The following ATG2B variants were observed in gnomAD, a reference collection of about 807,000 sequenced individuals.
ATG2B encodes autophagy-related protein 2 homolog B.
Under a neutral mutation model 241.3 loss-of-function variants are expected in ATG2B, and 121 were observed. The ratio of observed to expected loss-of-function variants is 0.50; its 90% CI spans 0.43 to 0.58. The LOEUF is 0.58. Ranked by LOEUF, ATG2B falls within the 20% of genes least tolerant of loss-of-function variation. The probability of loss-of-function intolerance (pLI) is 0.00; values close to 1 mark genes in which losing one functional copy is unlikely to be tolerated. For missense variants in ATG2B, 2,306 were observed against 2,491.6 expected (o/e 0.93, Z 1.59); for synonymous variants, 858 against 876.6 (o/e 0.98, Z 0.37).
intron 1 of ATG2B, among the ~76,000 whole-genome samples, chr14:96,350,978 T>C (rs1395742832): frequency 6.6e-6 from 1 of 152,216 alleles, no homozygotes; most frequent in East Asian, 1.9e-4. Flanking sequence ...TCAGAAATTC[T>C]CCCTTATGTA....
chr14:96,306,687 G>C (rs1886958418), intron 30 of ATG2B, 27 bp downstream of exon 30: 2 of 1,584,218 alleles, frequency 1.3e-6, no homozygotes, highest in South Asian at 1.1e-5. Flanking sequence ...ACCATTCAAG[G>C]CTTCAATAAT....
Position 96,302,579 on chromosome 14 carries a change from G to A in ATG2B, c.5038-471C>T, listed in dbSNP as rs555211779. Among the ~76,000 whole-genome samples, 593 of 149,586 alleles carry A rather than the reference G, an allele frequency of 4.0e-3. 20 individuals carry two copies. The South Asian group carries it at 0.059, about 15-fold the overall frequency. Reference sequence around the variant, plus strand: ...TCACAGAGTGAGACACTGTTGGGGGGAAAAAAAAAACTGCTTAAAGATGTA... The same window carrying A: ...TCACAGAGTGAGACACTGTTGGGGGAAAAAAAAAAACTGCTTAAAGATGTA... On this transcript the variant is annotated intron_variant, in intron 33 of 41. Transcript: ENST00000359933.
rs749097604 is a variant in ATG2B, at chr14:96,329,525, A to C, written c.1840T>G (p.Phe614Val). The C allele has an allele frequency of 1.2e-6, 2 of 1,612,874 alleles. No individual in the cohort carries two copies. The highest frequency in any genetic ancestry group is 2.2e-5 in the South Asian group (2 of 90,986). The change falls in exon 12 of 42, where the codon TTT (phenylalanine) becomes GTT (valine). Residue 614 changes from phenylalanine to valine, a missense_variant. This residue lies in a region of ATG2B where 1,927 missense variants were observed against 2,011.2 expected (regional missense o/e 0.96). Transcript: ENST00000359933. ...IGQMEFLECLFPTDFHSVPPH... is the reference protein window; with the variant it reads ...IGQMEFLECLVPTDFHSVPPH... ...GGAACAGAATGAAAATCAGTTGGAAATAGGCACTCCAAAAATTCCATTTGC... is the reference window on the plus strand; with the variant it reads ...GGAACAGAATGAAAATCAGTTGGAACTAGGCACTCCAAAAATTCCATTTGC...
Position 96,279,860 on chromosome 14 carries a change from G to A in ATG2B, c.*5895C>T, listed in dbSNP as rs947477026. ...AACTGGGGGAGGGGAGTTTGTTACT[G>A]GCATCCAGTGGCCAGAGGCCAGCGG... is the stretch of plus-strand genomic sequence containing the variant. On this transcript the variant is annotated 3_prime_UTR_variant, in exon 42 of 42. Coordinates refer to ENST00000359933, the MANE Select transcript of ATG2B (RefSeq NM_018036.7). 3 of 151,574 alleles carry A rather than the reference G, an allele frequency of 2.0e-5. No individual in the cohort carries two copies. Among genetic ancestry groups the A allele is most frequent in the African/African-American group, 7.3e-5 (3 of 41,120 alleles). The allele number at this position is 151,574 out of a possible 1,614,324, so 9.4% of individuals were successfully genotyped here. A position where few individuals can be genotyped will look rare whatever the true frequency, so the allele number is the denominator to read the frequency against.
intron 33 of ATG2B, among the ~76,000 whole-genome samples, chr14:96,302,581 A>C (rs974299393): frequency 1.4e-5 from 1 of 70,846 alleles, no homozygotes; most frequent in Non-Finnish European, 4.4e-5. Flanking sequence ...GTTGGGGGGA[A>C]AAAAAAAACT....
rs1465898804 is a variant in ATG2B at position 96,325,978 on chromosome 14, T to A, written c.2164-56A>T. 2.6e-6 allele frequency: 4 copies of A among 1,529,878 alleles called. No individual in the cohort carries two copies. In the African/African-American group the frequency reaches 5.5e-5, roughly 21 times the overall value. The allele number at this position is 1,529,878 out of a possible 1,614,324, so 94.8% of individuals were successfully genotyped here. A position where few individuals can be genotyped will look rare whatever the true frequency, so the allele number is the denominator to read the frequency against. On this transcript the variant is annotated intron_variant, in intron 14 of 41. Coordinates refer to ENST00000359933, the MANE Select transcript of ATG2B (RefSeq NM_018036.7). ...AATATTAAAGTAAATGAACATAAATTACACAGTATTCAACATTACAATATG... is the reference window on the plus strand; with the variant it reads ...AATATTAAAGTAAATGAACATAAATAACACAGTATTCAACATTACAATATG...
chr14:96,289,935 C>A lies in ATG2B; in HGVS notation c.5857-130G>T. 1 of 935,108 alleles carries A rather than the reference C, an allele frequency of 1.1e-6. No individual in the cohort carries two copies. Among genetic ancestry groups the A allele is most frequent in the South Asian group, 1.8e-5 (1 of 55,664 alleles). 57.9% of individuals were successfully genotyped at this position (935,108 alleles called of 1,614,324 possible). On this transcript the variant is annotated intron_variant, in intron 40 of 41. Transcript: ENST00000359933. The surrounding 1 kb of genome is among the most constrained non-coding windows in gnomAD (Gnocchi z 4.3). Reference sequence around the variant, plus strand: ...ACAAACCCTAATGAAGACACTTCTGCGTATCTGAATTCTTTACCACAAGAA... The same window carrying A: ...ACAAACCCTAATGAAGACACTTCTGAGTATCTGAATTCTTTACCACAAGAA...
intron 14 of ATG2B, among the ~76,000 whole-genome samples, chr14:96,327,088 T>G (rs1221513461): frequency 6.6e-6 from 1 of 151,994 alleles, no homozygotes; most frequent in Non-Finnish European, 1.5e-5. Context: ...TATAAAAACT[T>G]AACCGGGTGT....
intron 41 of ATG2B, among the ~76,000 whole-genome samples, chr14:96,286,230 A>G (rs1185652259): frequency 6.6e-6 from 1 of 152,212 alleles, no homozygotes; most frequent in Non-Finnish European, 1.5e-5. Context: ...TGGAAAATGT[A>G]GGTAAACTAA....
intron 18 of ATG2B, among the ~76,000 whole-genome samples, chr14:96,318,591 G>A (rs1010172786): frequency 1.3e-5 from 2 of 152,142 alleles, no homozygotes; most frequent in Non-Finnish European, 2.9e-5. Context: ...TGCATATGGA[G>A]CAAAAAATAA....
At chr14:96,337,659 C>T (rs1422832591) in intron 6 of ATG2B, among the ~76,000 whole-genome samples, 2 of 152,136 alleles carry the variant, frequency 1.3e-5, no homozygotes. Context: ...ATACCAGTAC[C>T]ATACTGTTTT....
At chr14:96,331,942 C>T (rs1887748378) in intron 10 of ATG2B, among the ~76,000 whole-genome samples, 1 of 151,934 alleles carries the variant, frequency 6.6e-6, no homozygotes, top group Admixed American at 6.6e-5. Flanking sequence ...TCCTTTAAGC[C>T]TTGGGTCTAT....
rs770806113 is a variant in ATG2B at position 96,328,504 on chromosome 14, T to C, written c.2006A>G (p.His669Arg). The C allele has an allele frequency of 6.2e-7, 1 of 1,612,124 alleles. No individual in the cohort carries two copies. The highest frequency in any genetic ancestry group is 2.2e-5 in the East Asian group (1 of 44,804). ...TAATTTAATTTGCAATTCTGCCTTG[T>C]GAGGAACTGAACTAAGTCTTGCTTG... ...GNQARLSSVP[H>R]KAELQIKLNP... The change falls in exon 14 of 42, where the codon CAC (histidine) becomes CGC (arginine). Residue 669 changes from histidine to arginine, a missense_variant. By Grantham distance (29) the His-to-Arg change is conservative (BLOSUM62 0). Transcript: ENST00000359933.
chr14:96,351,678 G>A (rs7146728), intron 1 of ATG2B, among the ~76,000 whole-genome samples: 4,196 of 151,460 alleles, frequency 0.028, 215 homozygotes, highest in African/African-American at 0.096. Context: ...GGAAGTTACC[G>A]TGAGCCGAAA....
At chr14:96,362,141 C>G (rs753065937) in intron 1 of ATG2B, among the ~76,000 whole-genome samples, 2 of 152,144 alleles carry the variant, frequency 1.3e-5, no homozygotes, top group Non-Finnish European at 2.9e-5. Context: ...AAAATTGCAA[C>G]TTCAGCGCTT....
chr14:96,289,987 A>G lies in ATG2B; in HGVS notation c.5857-182T>C. The G allele has an allele frequency of 1.1e-6, 1 of 880,264 alleles. No homozygotes were observed. The highest frequency in any genetic ancestry group is 1.6e-6 in the Non-Finnish European group (1 of 606,648). 54.5% of individuals were successfully genotyped at this position (880,264 alleles called of 1,614,324 possible). A position where few individuals can be genotyped will look rare whatever the true frequency, so the allele number is the denominator to read the frequency against. ...TGATGACTTTTATAACGAGAACATA[A>G]AAGTATAAATTAATAACTAACACCT... On this transcript the variant is annotated intron_variant, in intron 40 of 41. Coordinates refer to ENST00000359933, the MANE Select transcript of ATG2B (RefSeq NM_018036.7). This position sits in a 1 kb window ranked among gnomAD's most constrained non-coding sequence, Gnocchi z 4.3.
rs888449941 is a variant in ATG2B, at chr14:96,313,538, C to T, written c.3643-103G>A. The T allele has an allele frequency of 9.6e-6, 5 of 520,208 alleles. No homozygotes were observed. The African/African-American group carries it at 9.9e-5, about 10-fold the overall frequency. 32.2% of individuals were successfully genotyped at this position (520,208 alleles called of 1,614,324 possible). ...AACCAGAATATCTCACAGAAAAAAT[C>T]ATTTAATTGGAAAATCATAACGGTA... is the stretch of plus-strand genomic sequence containing the variant. On this transcript the variant is annotated intron_variant, in intron 23 of 41. Transcript: ENST00000359933.
intron 29 of ATG2B, among the ~76,000 whole-genome samples, chr14:96,308,231 CATATAT>C (rs1181364234): frequency 5.7e-5 from 1 of 17,604 alleles, no homozygotes; most frequent in South Asian, 1.2e-3. Flanking sequence ...TATATATATA[CATATAT>C]ATATATATAT....
At chr14:96,306,665 T>C (rs1886957761) in intron 30 of ATG2B, 49 bp downstream of exon 30, 2 of 1,508,898 alleles carry the variant, frequency 1.3e-6, no homozygotes, top group Admixed American at 3.8e-5. Context: ...CTTTGGTCAA[T>C]TCATTTGTAA....
Sources: gnomAD v4.1 joint callset for allele counts (sites outside exome capture counted in the v4.1 genomes callset) on GRCh38, gnomAD v4.1.1 for gene constraint, gnomAD v4.1.1 regional missense constraint, Gnocchi (gnomAD v3.1) non-coding constraint, MANE v1.5 for transcripts, NCBI Gene and HGNC (gene_info 2026-07-23, HGNC 2026-07-21) for gene names.